MYRIP: variants seen among roughly 807,000 people sequenced by gnomAD.
MYRIP encodes the protein myosin VIIA and Rab interacting protein.
Under a neutral mutation model 98.0 loss-of-function variants are expected in MYRIP, and 49 were observed. The observed-to-expected ratio is 0.50, with a 90% CI of 0.40 to 0.63. MYRIP has a LOEUF of 0.63. Ranked by LOEUF, MYRIP falls within the 30% of genes least tolerant of loss-of-function variation. The pLI is 0.00. For missense variants in MYRIP, 1,004 were observed against 1,058.2 expected, an observed-to-expected ratio of 0.95 and a Z score of 0.71; for synonymous variants, 404 against 409.5, an observed-to-expected ratio of 0.99 and a Z score of 0.16.
rs753310867 is a variant in MYRIP, at chr3:39,839,854, G to A, written c.-31+29938G>A. ...GGTCTGAGAGACTATTATGGTTTCC[G>A]TTCCTTTACATTTGCTGAGGAGTGT... On this transcript the variant is annotated intron_variant, in intron 1 of 16. Coordinates refer to ENST00000302541, the MANE Select transcript of MYRIP (RefSeq NM_015460.4). Among the ~76,000 whole-genome samples the A allele has an allele frequency of 5.3e-5, 8 of 152,026 alleles. No homozygotes were observed. In the East Asian group the frequency reaches 5.8e-4, roughly 11 times the overall value.
intron 13 of MYRIP, among the ~76,000 whole-genome samples, chr3:40,249,606 T>A (rs1022445329): frequency 1.3e-5 from 2 of 152,200 alleles, no homozygotes; most frequent in African/African-American, 4.8e-5. Context: ...GGGCACTAAG[T>A]GGGTTCTTAC....
chr3:40,062,437 T>G (rs935222805), intron 3 of MYRIP, among the ~76,000 whole-genome samples: 3 of 152,196 alleles, frequency 2.0e-5, no homozygotes, highest in African/African-American at 7.2e-5. Flanking sequence ...AAAGCCCTAC[T>G]TATTATTAAA....
intron 2 of MYRIP, among the ~76,000 whole-genome samples, chr3:39,949,618 T>C (rs1352393096): frequency 6.6e-6 from 1 of 151,118 alleles, no homozygotes; most frequent in Non-Finnish European, 1.5e-5. Context: ...TTTCATAAAC[T>C]GTCTTTCCAA....
chr3:40,150,460 A>C (rs116514007), intron 3 of MYRIP, among the ~76,000 whole-genome samples: 1,920 of 152,328 alleles, frequency 0.013, 11 homozygotes, highest in Middle Eastern at 0.024. Flanking sequence ...AGAGTGCTTC[A>C]ATCTGAATGA....
intron 1 of MYRIP, among the ~76,000 whole-genome samples, chr3:39,892,628 T>C (rs1298772396): frequency 3.3e-5 from 5 of 152,226 alleles, no homozygotes; most frequent in African/African-American, 4.8e-5. Flanking sequence ...GTGCATTGTA[T>C]CATGATCTGA....
rs780652303 is a variant in MYRIP, at chr3:39,900,824, G to A, written c.8G>A (p.Arg3Lys). 2 of 1,613,440 alleles carry A rather than the reference G, an allele frequency of 1.2e-6. No homozygotes were observed. Among genetic ancestry groups the A allele is most frequent in the South Asian group, 1.1e-5 (1 of 91,010 alleles). The change falls in exon 2 of 17, where the codon AGG (arginine) becomes AAG (lysine). Residue 3 changes from arginine to lysine, a missense_variant. Physicochemically the swap from Arg to Lys is conservative, Grantham distance 26 (BLOSUM62 2). Transcript: ENST00000302541. ...CATCTGTGTTGAGTAACCATGGGGA[G>A]GAAGCTGGACCTGTCTGGTTTGACT... MG[R>K]KLDLSGLTDD...
intron 4 of MYRIP, among the ~76,000 whole-genome samples, chr3:40,159,823 C>T (rs917077533): frequency 1.3e-5 from 2 of 152,138 alleles, no homozygotes; most frequent in Admixed American, 6.5e-5. Context: ...ACGTAGTTCT[C>T]GAGCCTTGGT....
chr3:39,914,182 A>C (rs1425127597), intron 2 of MYRIP, among the ~76,000 whole-genome samples: 1 of 152,202 alleles, frequency 6.6e-6, no homozygotes, highest in East Asian at 1.9e-4. Context: ...CACAGGTTAC[A>C]GTACAATATC....
At chr3:40,211,358 G>T (rs1360454896) in intron 11 of MYRIP, among the ~76,000 whole-genome samples, 1 of 152,166 alleles carries the variant, frequency 6.6e-6, no homozygotes, top group East Asian at 1.9e-4. Context: ...CCGAGCTGGG[G>T]TCCTGTGGAG....
At chr3:39,952,391 T>C (rs1001244182) in intron 2 of MYRIP, among the ~76,000 whole-genome samples, 1 of 152,174 alleles carries the variant, frequency 6.6e-6, no homozygotes, top group African/African-American at 2.4e-5. Context: ...CATGAAGGCA[T>C]GTAGGATTTT....
chr3:39,878,344 T>C (rs1943066121), intron 1 of MYRIP, among the ~76,000 whole-genome samples: 1 of 152,166 alleles, frequency 6.6e-6, no homozygotes, highest in South Asian at 2.1e-4. Flanking sequence ...CACAGTGCGC[T>C]GCACCCACTG....
At chr3:39,970,708 G>A (rs1945559071) in intron 2 of MYRIP, among the ~76,000 whole-genome samples, 1 of 152,088 alleles carries the variant, frequency 6.6e-6, no homozygotes, top group Admixed American at 6.6e-5. Flanking sequence ...CACATTGTTT[G>A]ACTTCATAAT....
intron 1 of MYRIP, among the ~76,000 whole-genome samples, chr3:39,863,367 T>G (rs905547225): frequency 2.7e-5 from 4 of 147,202 alleles, no homozygotes; most frequent in African/African-American, 1.0e-4. Flanking sequence ...GATCCAGGAG[T>G]AGTTCTTTGA....
chr3:40,191,680 T>C (rs1951214491), intron 10 of MYRIP, among the ~76,000 whole-genome samples: 1 of 152,240 alleles, frequency 6.6e-6, no homozygotes, highest in Non-Finnish European at 1.5e-5. Flanking sequence ...AAAGGTATTT[T>C]ATTTAGTCCA....
chr3:40,030,224 A>G (rs933138065), intron 2 of MYRIP, among the ~76,000 whole-genome samples: 1 of 152,148 alleles, frequency 6.6e-6, no homozygotes, highest in Non-Finnish European at 1.5e-5. Context: ...ACAAATGGCC[A>G]ATAAACACAT....
intron 10 of MYRIP, among the ~76,000 whole-genome samples, chr3:40,204,115 A>T (rs1415309425): frequency 3.2e-5 from 1 of 30,856 alleles, no homozygotes; most frequent in African/African-American, 1.0e-4. Flanking sequence ...TATAATATAT[A>T]AATATAGAGT....
chr3:40,064,377 T>C (rs1948085502), intron 3 of MYRIP, among the ~76,000 whole-genome samples: 1 of 152,150 alleles, frequency 6.6e-6, no homozygotes, highest in African/African-American at 2.4e-5. Flanking sequence ...AACCTTGCTC[T>C]CTTTATCTAT....
intron 3 of MYRIP, among the ~76,000 whole-genome samples, chr3:40,145,405 C>T (rs1419735513): frequency 1.3e-5 from 2 of 152,126 alleles, no homozygotes; most frequent in Non-Finnish European, 2.9e-5. Flanking sequence ...TGCTTTTTCT[C>T]CCACCATGAG....
intron 1 of MYRIP, among the ~76,000 whole-genome samples, chr3:39,865,588 T>G (rs1260047995): frequency 4.6e-5 from 7 of 152,168 alleles, no homozygotes; most frequent in African/African-American, 1.7e-4. Context: ...TCTGCATGAC[T>G]GATCATTAGA....
Sources: gnomAD v4.1 joint callset for allele counts (sites outside exome capture counted in the v4.1 genomes callset) on GRCh38, gnomAD v4.1.1 for gene constraint, MANE v1.5 for transcripts, NCBI Gene and HGNC (gene_info 2026-07-23, HGNC 2026-07-21) for gene names.